Variants in TNFRSF11A observed in about 807,000 individuals in gnomAD.
TNFRSF11A encodes the protein TNF receptor superfamily member 11a.
A neutral mutation model predicts 55.7 loss-of-function variants in TNFRSF11A; 32 were observed. The observed-to-expected ratio is 0.57, with a 90% CI of 0.43 to 0.77. The LOEUF (loss-of-function observed/expected upper bound fraction) is 0.77, where lower values mean the gene tolerates loss of function less well. Ranked by LOEUF, TNFRSF11A falls within the 30% of genes least tolerant of loss-of-function variation. TNFRSF11A has a pLI of 0.00. For synonymous variants in TNFRSF11A, 311 were observed against 331.0 expected, an observed-to-expected ratio of 0.94 and a Z score of 0.65; for missense variants, 753 against 809.8, an observed-to-expected ratio of 0.93 and a Z score of 0.85.
intron 1 of TNFRSF11A, among the ~76,000 whole-genome samples, chr18:62,343,605 C>A (rs2046343615): frequency 6.6e-6 from 1 of 152,200 alleles, no homozygotes; most frequent in African/African-American, 2.4e-5. Flanking sequence ...TTTATTATCT[C>A]CCCCGCCCTC....
At chr18:62,364,345 G>A (rs1247282094) in intron 7 of TNFRSF11A, among the ~76,000 whole-genome samples, 1 of 152,116 alleles carries the variant, frequency 6.6e-6, no homozygotes, top group African/African-American at 2.4e-5. Context: ...CTGGAGAGGA[G>A]GGCATGGCGA....
intron 4 of TNFRSF11A, among the ~76,000 whole-genome samples, chr18:62,355,006 G>A (rs1400572463): frequency 6.6e-6 from 1 of 152,208 alleles, no homozygotes; most frequent in Non-Finnish European, 1.5e-5. Flanking sequence ...AATTATAACT[G>A]CGATAACACT....
chr18:62,360,072 G>T, intron 6 of TNFRSF11A, 23 bp downstream of exon 6: 1 of 1,605,690 alleles, frequency 6.2e-7, no homozygotes, highest in South Asian at 1.1e-5. Flanking sequence ...AGAGCCTGTT[G>T]GTTGATAGAT....
intron 7 of TNFRSF11A, 67 bp downstream of exon 7, chr18:62,361,860 AAGTTG>A: frequency 7.2e-7 from 1 of 1,394,836 alleles, no homozygotes; most frequent in Non-Finnish European, 1.0e-6. Context: ...AATGCTTTGG[AAGTTG>A]AGTAGATTGT....
At chr18:62,335,133 T>TTTTTTTTTTTTTTTTTG (rs2046212625) in intron 1 of TNFRSF11A, among the ~76,000 whole-genome samples, 1 of 150,276 alleles carries the variant, frequency 6.7e-6, no homozygotes. Context: ...GTCGGAATTT[T>TTTTTTTTTTTTTTTTTG]TTTTTTTTTT....
In TNFRSF11A at chr18:62,325,478, A is replaced by G. The variant is rs2145223563; in HGVS notation, c.75+51A>G. The stretch of plus-strand genomic sequence containing the variant: ...CCGCGCGGCCCGACGCCTCCTCGGG[A>G]GCCCCGGGAAGGGCCGGGGCCGGCG... On this transcript the variant is annotated intron_variant, in intron 1 of 9. Transcript: ENST00000586569. This position sits in a 1 kb window ranked among gnomAD's most constrained non-coding sequence, Gnocchi z 4.7. The G allele has an allele frequency of 1.7e-6, 2 of 1,146,784 alleles. No individual in the cohort carries two copies. Among genetic ancestry groups the G allele is most frequent in the Middle Eastern group, 3.7e-4 (1 of 2,678 alleles). 71.0% of individuals were successfully genotyped at this position (1,146,784 alleles called of 1,614,324 possible). A position where few individuals can be genotyped will look rare whatever the true frequency, so the allele number is the denominator to read the frequency against.
chr18:62,348,384 C>A, intron 2 of TNFRSF11A, 135 bp downstream of exon 2: 1 of 752,190 alleles, frequency 1.3e-6, no homozygotes, highest in Non-Finnish European at 2.3e-6. Flanking sequence ...ATGTCTGTCA[C>A]TCTGAAGACA....
rs1244210309 is a variant in TNFRSF11A, at chr18:62,386,217, C to T, written c.*1183C>T. 1.3e-5 allele frequency: 2 copies of T among 152,110 alleles called. No homozygotes were observed. The highest frequency in any genetic ancestry group is 4.8e-5 in the African/African-American group (2 of 41,404). The allele number at this position is 152,110 out of a possible 1,614,324, so 9.4% of individuals were successfully genotyped here. On this transcript the variant is annotated 3_prime_UTR_variant, in exon 10 of 10. Transcript: ENST00000586569. ...TGGAGAAAATGAACAGGACATGGGGCTCCTGGAAAGAAAGGGCCCGGGAAG... is the reference window on the plus strand; with the variant it reads ...TGGAGAAAATGAACAGGACATGGGGTTCCTGGAAAGAAAGGGCCCGGGAAG...
chr18:62,380,814 T>C (rs970830427), intron 9 of TNFRSF11A, among the ~76,000 whole-genome samples: 34 of 150,966 alleles, frequency 2.3e-4, no homozygotes, highest in Non-Finnish European at 2.7e-4. Flanking sequence ...TCTTTTTTTT[T>C]TTTTTTGAGA....
chr18:62,385,343 T>TGG lies in TNFRSF11A; in HGVS notation c.*319_*320dup, dbSNP rs552069161. ...CTATTTTTATGACTATCCTGTTCTG[T>TGG]GGGGGGGGGGGTCTGTTTTCCCCCC... On this transcript the variant is annotated 3_prime_UTR_variant, in exon 10 of 10. Transcript: ENST00000586569. 1,003 of 163,634 alleles carry TGG rather than the reference T, an allele frequency of 6.1e-3. 9 individuals carry two copies. Among genetic ancestry groups the TGG allele is most frequent in the Non-Finnish European group, 7.1e-3 (578 of 80,978 alleles). 10.1% of individuals were successfully genotyped at this position (163,634 alleles called of 1,614,324 possible).
chr18:62,360,031 G>C lies in TNFRSF11A; in HGVS notation c.598G>C (p.Ala200Pro), dbSNP rs1568485264. 9.3e-6 allele frequency: 15 copies of C among 1,613,872 alleles called. No individual in the cohort carries two copies. The highest frequency in any genetic ancestry group is 1.3e-5 in the Non-Finnish European group (15 of 1,179,858). The stretch of plus-strand genomic sequence containing the variant: ...TGCGGTTTGCAGTTCTTCTCTGCCA[G>C]CTAGAAAACCACCAAATGGTATGTT... ...SDAVCSSSLP[A>P]RKPPNEPHVY... The change falls in exon 6 of 10, where the codon GCT becomes CCT. Residue 200 changes from alanine (A) to proline (P), a missense_variant. By Grantham distance (27) the Ala-to-Pro change is conservative. Transcript: ENST00000586569.
intron 1 of TNFRSF11A, among the ~76,000 whole-genome samples, chr18:62,329,927 T>C (rs1394165794): frequency 6.6e-6 from 1 of 152,228 alleles, no homozygotes; most frequent in Non-Finnish European, 1.5e-5. Context: ...CAGTGGGAAG[T>C]ACATTCTTTA....
chr18:62,373,403 A>G (rs1468421415), intron 9 of TNFRSF11A, among the ~76,000 whole-genome samples: 1 of 152,040 alleles, frequency 6.6e-6, no homozygotes, highest in African/African-American at 2.4e-5. Flanking sequence ...AGGTGATCTG[A>G]GATCTTGCCA....
intron 7 of TNFRSF11A, among the ~76,000 whole-genome samples, chr18:62,362,613 C>T (rs531580711): frequency 1.6e-4 from 25 of 151,610 alleles, no homozygotes; most frequent in African/African-American, 6.1e-4. Context: ...GAATAATTTT[C>T]CCACACAAAT....
intron 4 of TNFRSF11A, 66 bp downstream of exon 4, chr18:62,354,600 C>T (rs980397891): frequency 1.3e-6 from 2 of 1,594,424 alleles, no homozygotes; most frequent in Admixed American, 3.3e-5. Flanking sequence ...TTGAGACAGT[C>T]TTGATAATAG....
intron 8 of TNFRSF11A, among the ~76,000 whole-genome samples, chr18:62,367,661 T>C (rs1910186572): frequency 6.6e-6 from 1 of 152,124 alleles, no homozygotes; most frequent in Non-Finnish European, 1.5e-5. Flanking sequence ...TATATAACCA[T>C]AGTACATGTA....
At chr18:62,381,041 G>A (rs1320986013) in intron 9 of TNFRSF11A, among the ~76,000 whole-genome samples, 1 of 152,040 alleles carries the variant, frequency 6.6e-6, no homozygotes, top group Non-Finnish European at 1.5e-5. Context: ...CTGGGCTTAA[G>A]CATTCACCCA....
At chr18:62,356,677 G>A (rs1458668040) in intron 4 of TNFRSF11A, among the ~76,000 whole-genome samples, 6 of 152,192 alleles carry the variant, frequency 3.9e-5, no homozygotes, top group Admixed American at 6.5e-5. Flanking sequence ...TAATAGAGCG[G>A]GAAAGGTGGG....
In TNFRSF11A at chr18:62,358,239, T is replaced by C. The variant is rs80232355; in HGVS notation, c.428-9T>C. On this transcript the variant is annotated splice_polypyrimidine_tract_variant and intron_variant, in intron 4 of 9. Coordinates refer to ENST00000586569, the MANE Select transcript of TNFRSF11A (RefSeq NM_003839.4). ...CTGTCTGGGTTGTTTTTTTTTTTTT[T>C]TCTCACAGTGCAGCTCAACAAGGAC... 1.9e-6 allele frequency: 3 copies of C among 1,595,866 alleles called. No homozygotes were observed. Among genetic ancestry groups the C allele is most frequent in the Non-Finnish European group, 2.6e-6 (3 of 1,171,226 alleles).
Sources: allele counts gnomAD v4.1 joint callset (sites outside exome capture counted in the v4.1 genomes callset), GRCh38; gene constraint gnomAD v4.1.1; non-coding constraint Gnocchi (gnomAD v3.1); transcripts MANE v1.5; gene names NCBI Gene and HGNC (gene_info 2026-07-23, HGNC 2026-07-21).